The following CACNA1C variants were observed in gnomAD, a reference collection of about 807,000 sequenced individuals.
CACNA1C encodes calcium voltage-gated channel subunit alpha1 C, also known as voltage-dependent L-type calcium channel subunit alpha-1C.
CACNA1C carries 30 observed loss-of-function variants against 229.0 expected under a neutral mutation model. The ratio of observed to expected loss-of-function variants is 0.13; its 90% CI spans 0.10 to 0.18. The LOEUF (loss-of-function observed/expected upper bound fraction) is 0.18. Among genes scored for constraint, CACNA1C ranks in the 10% least tolerant of loss-of-function variants. CACNA1C has a pLI of 1.00. For missense variants in CACNA1C, 1,658 were observed against 2,845.0 expected (o/e 0.58, Z 9.49); for synonymous variants, 1,114 against 1,132.5 (o/e 0.98, Z 0.33).
intron 18 of CACNA1C, among the ~76,000 whole-genome samples, chr12:2,591,069 T>A (rs142804257): frequency 6.6e-6 from 1 of 152,160 alleles, no homozygotes; most frequent in Non-Finnish European, 1.5e-5. Context: ...GCTGAAAAAA[T>A]ATTAATTGTC....
At chr12:2,640,412 G>A (rs571190157) in intron 30 of CACNA1C, among the ~76,000 whole-genome samples, 2 of 152,168 alleles carry the variant, frequency 1.3e-5, no homozygotes, top group Non-Finnish European at 1.5e-5. Context: ...TCTCTGTGTC[G>A]GTTGATGCTG....
intron 3 of CACNA1C, among the ~76,000 whole-genome samples, chr12:2,136,405 A>G (rs949867366): frequency 6.6e-6 from 1 of 151,414 alleles, no homozygotes; most frequent in Non-Finnish European, 1.5e-5. Context: ...TTGCATAGCT[A>G]TGAAGCAGTG....
intron 3 of CACNA1C, among the ~76,000 whole-genome samples, chr12:2,299,175 C>G (rs530293526): frequency 5.3e-5 from 8 of 152,320 alleles, no homozygotes; most frequent in African/African-American, 1.9e-4. Flanking sequence ...ATGCGCTATG[C>G]GTTAGAATGA....
chr12:2,590,468 C>G (rs2064747237), intron 18 of CACNA1C, among the ~76,000 whole-genome samples: 1 of 152,200 alleles, frequency 6.6e-6, no homozygotes, highest in Non-Finnish European at 1.5e-5. Flanking sequence ...TGAGCCTTGC[C>G]TGACTTTCCC....
intron 1 of CACNA1C, among the ~76,000 whole-genome samples, chr12:2,070,165 A>G (rs1283680291): frequency 6.6e-6 from 1 of 152,136 alleles, no homozygotes; most frequent in African/African-American, 2.4e-5. Flanking sequence ...GTCGAGCGGG[A>G]AGAGTATAAA....
In CACNA1C at chr12:2,665,508, C is replaced by G. The variant is rs2096041820; in HGVS notation, c.4399-73C>G. 1 of 1,549,058 alleles carries G rather than the reference C, an allele frequency of 6.5e-7. No homozygotes were observed. ...GGCTTCTGCCATCAGTAGGCCCCAG[C>G]TGGCAAGGGGGTTCCAGAGGCAGGT... On this transcript the variant is annotated intron_variant, in intron 35 of 46. Transcript: ENST00000399655. The surrounding 1 kb of genome is among the most constrained non-coding windows in gnomAD (Gnocchi z 5.9).
chr12:2,185,818 G>C (rs1340151501), intron 3 of CACNA1C, among the ~76,000 whole-genome samples: 1 of 152,190 alleles, frequency 6.6e-6, no homozygotes, highest in Non-Finnish European at 1.5e-5. Context: ...AGCGGCCTGG[G>C]AGTGTCACTC....
At chr12:2,279,190 A>G (rs1019265163) in intron 3 of CACNA1C, among the ~76,000 whole-genome samples, 9 of 151,980 alleles carry the variant, frequency 5.9e-5, no homozygotes, top group African/African-American at 2.2e-4. Flanking sequence ...AGTCTGTGTC[A>G]TCTTTTCTCT....
intron 3 of CACNA1C, among the ~76,000 whole-genome samples, chr12:2,134,739 A>G (rs2154178774): frequency 2.2e-5 from 1 of 46,184 alleles, no homozygotes; most frequent in East Asian, 6.2e-4. Context: ...TGCCCTTAAC[A>G]TTTTTTCCTT....
rs2097801574 is a variant in CACNA1C at position 2,692,739 on chromosome 12, G to A, written c.*1540G>A. On this transcript the variant is annotated 3_prime_UTR_variant, in exon 47 of 47. Transcript: ENST00000399655. ...AATATATTCCGTGTAATGTTTTATT[G>A]CATTGATAATGTTTCTGTTGAAGAA... is the stretch of plus-strand genomic sequence containing the variant. The A allele has an allele frequency of 6.6e-6, 1 of 152,612 alleles. No individual in the cohort carries two copies. Among genetic ancestry groups the A allele is most frequent in the South Asian group, 2.1e-4 (1 of 4,826 alleles). The allele number at this position is 152,612 out of a possible 1,614,324, so 9.5% of individuals were successfully genotyped here. A position where few individuals can be genotyped will look rare whatever the true frequency, so the allele number is the denominator to read the frequency against.
intron 3 of CACNA1C, among the ~76,000 whole-genome samples, chr12:2,219,555 C>T (rs111342394): frequency 0.012 from 1,788 of 152,232 alleles, 37 homozygotes; most frequent in African/African-American, 0.041. Flanking sequence ...GCCACTCTTT[C>T]GGGCTGTAAG....
intron 3 of CACNA1C, among the ~76,000 whole-genome samples, chr12:2,127,286 C>T (rs1026344565): frequency 5.9e-5 from 9 of 152,278 alleles, no homozygotes; most frequent in Admixed American, 3.3e-4. Context: ...TATCGCCCCC[C>T]GTGCTTTGAG....
Position 2,097,392 on chromosome 12 carries a change from C to A in CACNA1C, c.50-17832C>A, listed in dbSNP as rs545132105. Among the ~76,000 whole-genome samples, 14 of 152,160 alleles carry A rather than the reference C, an allele frequency of 9.2e-5. No homozygotes were observed. The South Asian group carries it at 1.7e-3, about 18-fold the overall frequency. ...CGATCTCCTGACCTTGTGATCCGCCCGCCTCGACCTCCCAAAGTGCTGGGA... is the reference window on the plus strand; with the variant it reads ...CGATCTCCTGACCTTGTGATCCGCCAGCCTCGACCTCCCAAAGTGCTGGGA... On this transcript the variant is annotated intron_variant, in intron 1 of 46. Transcript: ENST00000399655.
chr12:2,661,148 G>C (rs2095697351), intron 34 of CACNA1C, among the ~76,000 whole-genome samples: 2 of 151,940 alleles, frequency 1.3e-5, no homozygotes, highest in Non-Finnish European at 2.9e-5. Context: ...TGTAGTCCCA[G>C]CTACTTGAGA....
At chr12:2,425,578 G>A (rs1418460033) in intron 3 of CACNA1C, among the ~76,000 whole-genome samples, 3 of 152,184 alleles carry the variant, frequency 2.0e-5, no homozygotes, top group Non-Finnish European at 4.4e-5. Context: ...CTGAACCAAA[G>A]GATTAAACCA....
chr12:2,622,060 A>C (rs566477256), intron 29 of CACNA1C, among the ~76,000 whole-genome samples: 1 of 152,300 alleles, frequency 6.6e-6, no homozygotes, highest in Admixed American at 6.5e-5. Context: ...GGAGAAGGAA[A>C]GGGGTCTGGA....
intron 8 of CACNA1C, among the ~76,000 whole-genome samples, chr12:2,507,878 G>A (rs897143672): frequency 6.6e-6 from 1 of 152,228 alleles, no homozygotes. Flanking sequence ...CATAGGACGG[G>A]TTCATCCCAT....
intron 31 of CACNA1C, among the ~76,000 whole-genome samples, chr12:2,650,227 C>T (rs761803857): frequency 4.3e-4 from 66 of 152,306 alleles, no homozygotes; most frequent in Non-Finnish European, 6.9e-4. Context: ...TGGCTGCCTT[C>T]GGGTCTCCCT....
intron 1 of CACNA1C, among the ~76,000 whole-genome samples, chr12:2,070,825 CT>C (rs1174402414): frequency 1.3e-5 from 2 of 151,932 alleles, no homozygotes; most frequent in Non-Finnish European, 2.9e-5. Context: ...CTTTCCCTTC[CT>C]TTCTTTTTTT....
Sources: gnomAD v4.1 joint callset for allele counts (sites outside exome capture counted in the v4.1 genomes callset) on GRCh38, gnomAD v4.1.1 for gene constraint, Gnocchi (gnomAD v3.1) non-coding constraint, MANE v1.5 for transcripts, NCBI Gene and HGNC (gene_info 2026-07-23, HGNC 2026-07-21) for gene names.